Variants in DCAF8L2 observed in about 807,000 individuals in gnomAD.
The protein encoded by DCAF8L2 is DDB1- and CUL4-associated factor 8-like protein 2.
For synonymous variants in DCAF8L2, 200 were observed against 190.9 expected, an observed-to-expected ratio of 1.05 and a Z score of -0.39; for missense variants, 430 against 490.7, an observed-to-expected ratio of 0.88 and a Z score of 1.17.
the DCAF8L2 span, among the ~76,000 whole-genome samples, chrX:27,530,768 G>A: frequency 1.8e-5 from 2 of 111,703 alleles, no homozygotes; most frequent in Non-Finnish European, 3.8e-5. Flanking sequence ...ATTGAGGTAC[G>A]GTCATATTAT....
At chrX:27,665,548 T>C (rs1235826306) in intron 2 of DCAF8L2, among the ~76,000 whole-genome samples, 1 of 112,168 alleles carries the variant, frequency 8.9e-6, no homozygotes, top group East Asian at 2.8e-4. Context: ...ATTGAGAGTA[T>C]TGGCTCCAAT....
chrX:27,711,398 CGTGT>C (rs10574517), intron 3 of DCAF8L2, among the ~76,000 whole-genome samples: 188 of 94,895 alleles, frequency 2.0e-3, no homozygotes, highest in African/African-American at 3.8e-3. Flanking sequence ...TGTGTGTGTA[CGTGT>C]GTGTGTGTGT....
chrX:27,480,777 A>G, the DCAF8L2 span, among the ~76,000 whole-genome samples: 1 of 111,284 alleles, frequency 9.0e-6, no homozygotes, highest in African/African-American at 3.3e-5. Flanking sequence ...TCTATATTAC[A>G]TTTCTTCTGT....
chrX:27,546,183 A>G, the DCAF8L2 span, among the ~76,000 whole-genome samples: 1 of 111,876 alleles, frequency 8.9e-6, no homozygotes, highest in African/African-American at 3.2e-5. Context: ...TACAAGCCCC[A>G]TGTAAGTCCA....
At chrX:27,505,493 T>C in the DCAF8L2 span, among the ~76,000 whole-genome samples, 37 of 112,200 alleles carry the variant, frequency 3.3e-4, 2 homozygotes, top group Admixed American at 2.2e-3. Context: ...TTTCTTATTA[T>C]TTATCTTTTA....
chrX:27,624,664 C>T (rs766790104), intron 1 of DCAF8L2, among the ~76,000 whole-genome samples: 23 of 111,159 alleles, frequency 2.1e-4, no homozygotes, highest in South Asian at 7.6e-4. Context: ...GACACACAGA[C>T]CAGTAGAATA....
chrX:27,618,332 C>T (rs1047776886), intron 1 of DCAF8L2, among the ~76,000 whole-genome samples: 6 of 110,748 alleles, frequency 5.4e-5, no homozygotes, highest in African/African-American at 1.6e-4. Context: ...GGGTAACACA[C>T]GGGTAAAAAG....
At chrX:27,557,513 T>G in the DCAF8L2 span, among the ~76,000 whole-genome samples, 3 of 112,017 alleles carry the variant, frequency 2.7e-5, no homozygotes, top group Non-Finnish European at 5.6e-5. Flanking sequence ...CCAGGTTAGA[T>G]TCTATAAGAG....
the DCAF8L2 span, among the ~76,000 whole-genome samples, chrX:27,493,793 C>T: frequency 9.1e-6 from 1 of 109,595 alleles, no homozygotes; most frequent in Non-Finnish European, 1.9e-5. Context: ...ATGCTTCCCA[C>T]TCTTAGCCCC....
chrX:27,670,948 A>G (rs979158892), intron 2 of DCAF8L2, among the ~76,000 whole-genome samples: 5 of 112,053 alleles, frequency 4.5e-5, no homozygotes, highest in African/African-American at 9.7e-5. Context: ...CTGTGAGCCA[A>G]GTAAATCTCT....
In DCAF8L2 at chrX:27,748,508, A is replaced by G. The variant is rs772014311; in HGVS notation, c.1613A>G (p.Lys538Arg). ...LACSGLDHDV[K>R]IWTPTAKAAT... The stretch of plus-strand genomic sequence containing the variant: ...TGCAGTGGCCTAGATCATGATGTCA[A>G]GATCTGGACACCCACAGCTAAAGCT... Residue 538 changes from lysine to arginine, a missense_variant, in exon 5 of 5, where the codon AAG (lysine) becomes AGG (arginine). Coordinates refer to ENST00000451261, the MANE Select transcript of DCAF8L2 (RefSeq NM_001353450.2). The G allele has an allele frequency of 9.1e-6, 11 of 1,210,660 alleles. No homozygotes were observed. The Middle Eastern group carries it at 6.9e-4, about 76-fold the overall frequency.
intron 1 of DCAF8L2, among the ~76,000 whole-genome samples, chrX:27,622,830 T>C: frequency 9.0e-6 from 1 of 111,201 alleles, no homozygotes; most frequent in East Asian, 2.9e-4. Flanking sequence ...TTTGGGTTGA[T>C]GACTTTATTT....
intron 1 of DCAF8L2, among the ~76,000 whole-genome samples, chrX:27,630,948 C>A (rs1464428216): frequency 9.0e-6 from 1 of 111,264 alleles, no homozygotes; most frequent in Non-Finnish European, 1.9e-5. Context: ...GAGCTCCATT[C>A]TCATAACCTA....
intron 4 of DCAF8L2, among the ~76,000 whole-genome samples, chrX:27,720,377 T>TA (rs1931854370): frequency 9.0e-6 from 1 of 110,928 alleles, no homozygotes. Flanking sequence ...TTATTATTAT[T>TA]TTTTTTTGAG....
intron 2 of DCAF8L2, among the ~76,000 whole-genome samples, chrX:27,643,745 TATGAACAC>T (rs1928831772): frequency 8.9e-6 from 1 of 111,940 alleles, no homozygotes; most frequent in South Asian, 3.7e-4. Flanking sequence ...CCAATTAAAC[TATGAACAC>T]ATCGTGTTCC....
At chrX:27,522,321 C>T in the DCAF8L2 span, among the ~76,000 whole-genome samples, 1 of 112,184 alleles carries the variant, frequency 8.9e-6, no homozygotes, top group Non-Finnish European at 1.9e-5. Context: ...GCCACCGTGC[C>T]CGGCCCCCAG....
chrX:27,469,994 C>T, the DCAF8L2 span, among the ~76,000 whole-genome samples: 1 of 111,083 alleles, frequency 9.0e-6, no homozygotes, highest in South Asian at 3.8e-4. Flanking sequence ...TCTCGAACTC[C>T]TCACCTCAGG....
chrX:27,630,339 A>G (rs1314126832), intron 1 of DCAF8L2, among the ~76,000 whole-genome samples: 4 of 111,862 alleles, frequency 3.6e-5, no homozygotes, highest in Non-Finnish European at 7.5e-5. Flanking sequence ...AAAAATCTTT[A>G]CAGAATAATA....
the DCAF8L2 span, among the ~76,000 whole-genome samples, chrX:27,498,389 G>A: frequency 2.7e-5 from 3 of 112,311 alleles, no homozygotes; most frequent in African/African-American, 9.7e-5. Flanking sequence ...GAGGTATGAG[G>A]TGATATCTCA....
Sources: allele counts gnomAD v4.1 joint callset (sites outside exome capture counted in the v4.1 genomes callset), GRCh38; gene constraint gnomAD v4.1.1; transcripts MANE v1.5; gene names NCBI Gene and HGNC (gene_info 2026-07-23, HGNC 2026-07-21).